Variants in NDUFAF5 observed in about 807,000 individuals in gnomAD.
NDUFAF5 encodes NADH:ubiquinone oxidoreductase complex assembly factor 5, also known as arginine-hydroxylase NDUFAF5, mitochondrial.
A neutral mutation model predicts 48.9 loss-of-function variants in NDUFAF5; 34 were observed. That is an observed-to-expected ratio of 0.70 (90% CI 0.53 to 0.93). The LOEUF is 0.93. Ranked by LOEUF, NDUFAF5 falls within the 40% of genes least tolerant of loss-of-function variation. NDUFAF5 has a pLI of 0.00. For missense variants in NDUFAF5, 428 were observed against 427.5 expected, an observed-to-expected ratio of 1.00 and a Z score of -0.01; for synonymous variants, 153 against 150.6, an observed-to-expected ratio of 1.02 and a Z score of -0.12.
At chr20:13,806,022 A>G (rs918524509) in intron 7 of NDUFAF5, among the ~76,000 whole-genome samples, 1 of 152,244 alleles carries the variant, frequency 6.6e-6, no homozygotes, top group African/African-American at 2.4e-5. Context: ...TTTATGTTGC[A>G]TACATTAGAT....
At chr20:13,803,403 A>G (rs879246670) in intron 7 of NDUFAF5, 2 of 152,284 alleles carry the variant, frequency 1.3e-5, no homozygotes, top group Admixed American at 1.3e-4. Context: ...AATAAACACT[A>G]TTAATACAGG....
chr20:13,817,192 G>T lies in NDUFAF5; in HGVS notation c.1020G>T (p.Pro340=). 6.2e-7 allele frequency: 1 copy of T among 1,613,078 alleles called. No homozygotes were observed. The highest frequency in any genetic ancestry group is 8.5e-7 in the Non-Finnish European group (1 of 1,179,196). ...ELGKINNLMP[P]GKKSQ is the part of the protein sequence containing the mutation. ...GAAAAATAAACAACCTTATGCCACC[G>T]GGGAAAAAATCACAATAAATATTTA... Residue 340 remains proline, a synonymous_variant, in exon 11 of 11, where the codon CCG becomes CCT. Transcript: ENST00000378106.
intron 5 of NDUFAF5, among the ~76,000 whole-genome samples, chr20:13,797,492 G>C (rs1486507051): frequency 6.6e-6 from 1 of 152,168 alleles, no homozygotes; most frequent in Non-Finnish European, 1.5e-5. Context: ...ATCTGAAAAG[G>C]CTACATAGTG....
Position 13,819,279 on chromosome 20 carries a change from G to A in NDUFAF5, c.*2069G>A, listed in dbSNP as rs1412161895. 6.6e-6 allele frequency: 1 copy of A among 152,142 alleles called. No individual in the cohort carries two copies. The highest frequency in any genetic ancestry group is 2.4e-5 in the African/African-American group (1 of 41,432). 9.4% of individuals were successfully genotyped at this position (152,142 alleles called of 1,614,324 possible). On this transcript the variant is annotated 3_prime_UTR_variant, in exon 11 of 11. Transcript: ENST00000378106. Reference sequence around the variant, plus strand: ...CTTTTAAGCAATGAAACTTTTAAAAGGTCTTTATCAAAAATTTTTCATAAA... The same window carrying A: ...CTTTTAAGCAATGAAACTTTTAAAAAGTCTTTATCAAAAATTTTTCATAAA...
At position 13,785,073 on chromosome 20, in the gene NDUFAF5, T is replaced by A. The variant is rs1396426892; in HGVS notation, c.5T>A (p.Leu2Gln). M[L>Q]RPAGLWRLCR... ...CAATTGGGGTCGCAGCTGGAGATGC[T>A]GCGGCCGGCAGGGCTCTGGCGCTTA... The change falls in exon 1 of 11, where the codon CTG becomes CAG. Residue 2 changes from leucine (L) to glutamine (Q), a missense_variant. By Grantham distance (113) the Leu-to-Gln change is moderately radical. Transcript: ENST00000378106. The A allele has an allele frequency of 1.9e-6, 3 of 1,611,140 alleles. No individual in the cohort carries two copies. Among genetic ancestry groups the A allele is most frequent in the Non-Finnish European group, 2.5e-6 (3 of 1,179,600 alleles).
intron 3 of NDUFAF5, 120 bp downstream of exon 3, chr20:13,788,772 A>C (rs967109821): frequency 9.8e-5 from 67 of 682,900 alleles, no homozygotes; most frequent in Non-Finnish European, 1.4e-4. Flanking sequence ...CAGAATTGTT[A>C]ATTTGTTTTT....
At chr20:13,793,101 T>G (rs887368604) in intron 3 of NDUFAF5, 79 bp from the exon 4 acceptor site, 46 of 1,484,432 alleles carry the variant, frequency 3.1e-5, no homozygotes, top group Non-Finnish European at 4.1e-5. Context: ...AAAATGTAAT[T>G]AACACTTTTA....
intron 3 of NDUFAF5, 39 bp downstream of exon 3, chr20:13,788,691 A>G (rs567739387): frequency 7.5e-7 from 1 of 1,324,800 alleles, no homozygotes; most frequent in South Asian, 1.2e-5. Flanking sequence ...TTGAAAAGTA[A>G]CATTGGCTAA....
chr20:13,795,929 A>G (rs550455979), intron 5 of NDUFAF5, among the ~76,000 whole-genome samples: 2 of 152,376 alleles, frequency 1.3e-5, no homozygotes, highest in East Asian at 1.9e-4. Flanking sequence ...ATGCAAGTAT[A>G]TATCAAATAG....
In NDUFAF5 at chr20:13,788,663, T is replaced by G; in HGVS notation, c.327+11T>G. ...CAATATTTGAATAAGGTATATTTAT[T>G]CAATGACCTAATTTACTTTGAAAAG... On this transcript the variant is annotated intron_variant, in intron 3 of 10. Transcript: ENST00000378106. 1 of 1,567,232 alleles carries G rather than the reference T, an allele frequency of 6.4e-7. No individual in the cohort carries two copies.
In NDUFAF5 at chr20:13,820,944, TC is replaced by T. The variant is rs1294536940; in HGVS notation, c.*3735del. On this transcript the variant is annotated 3_prime_UTR_variant, in exon 11 of 11. Transcript: ENST00000378106. ...GTTGTGGTTAATGATGTGAAATTAA[TC>T]TTCAGGAAATTTATCATAAGCAGAC... 6.6e-6 allele frequency: 1 copy of T among 152,216 alleles called. No individual in the cohort carries two copies. Among genetic ancestry groups the T allele is most frequent in the Non-Finnish European group, 1.5e-5 (1 of 68,034 alleles). 9.4% of individuals were successfully genotyped at this position (152,216 alleles called of 1,614,324 possible).
At chr20:13,805,116 C>T (rs1407593926) in intron 7 of NDUFAF5, among the ~76,000 whole-genome samples, 5 of 151,944 alleles carry the variant, frequency 3.3e-5, no homozygotes, top group Admixed American at 1.3e-4. Flanking sequence ...AAAGAATCTC[C>T]GGGAATGTAA....
At chr20:13,816,102 C>T in intron 8 of NDUFAF5, 1 of 362,604 alleles carries the variant, frequency 2.8e-6, no homozygotes, top group South Asian at 2.3e-5. Context: ...CAGCTAAAAG[C>T]ATGAGATGTG....
At chr20:13,807,873 C>G (rs1469654833) in intron 7 of NDUFAF5, among the ~76,000 whole-genome samples, 2 of 151,822 alleles carry the variant, frequency 1.3e-5, no homozygotes, top group African/African-American at 2.4e-5. Context: ...CGCTTGAGTT[C>G]AGGAGGCAGA....
chr20:13,785,372 A>C, intron 1 of NDUFAF5, 82 bp downstream of exon 1: 2 of 1,244,824 alleles, frequency 1.6e-6, no homozygotes, highest in South Asian at 1.3e-5. Flanking sequence ...CTAGGCCCCG[A>C]GCTCACCCCA....
At chr20:13,795,015 A>G (rs1982966568) in intron 5 of NDUFAF5, 74 bp downstream of exon 5, 1 of 1,040,264 alleles carries the variant, frequency 9.6e-7, no homozygotes, top group Non-Finnish European at 1.5e-6. Flanking sequence ...CTATGAGGCC[A>G]GGAGCGGTGG....
chr20:13,805,960 A>G (rs111363458), intron 7 of NDUFAF5, among the ~76,000 whole-genome samples: 34 of 152,116 alleles, frequency 2.2e-4, no homozygotes, highest in Middle Eastern at 3.4e-3. Flanking sequence ...GTTCTAATTC[A>G]TTTTCTAAAA....
At chr20:13,808,694 A>T in intron 7 of NDUFAF5, 148 bp from the exon 8 acceptor site, 1 of 604,882 alleles carries the variant, frequency 1.7e-6, no homozygotes, top group South Asian at 1.9e-5. Flanking sequence ...TAAATCAAAC[A>T]TAAGCCAGAT....
At chr20:13,792,847 G>A (rs1019993503) in intron 3 of NDUFAF5, among the ~76,000 whole-genome samples, 2 of 152,114 alleles carry the variant, frequency 1.3e-5, no homozygotes, top group Admixed American at 6.5e-5. Context: ...ACTAAAAGGC[G>A]GGAAACTCAT....
Sources: gnomAD v4.1 joint callset for allele counts (sites outside exome capture counted in the v4.1 genomes callset) on GRCh38, gnomAD v4.1.1 for gene constraint, MANE v1.5 for transcripts, NCBI Gene and HGNC (gene_info 2026-07-23, HGNC 2026-07-21) for gene names.